The following ORC4 variants were observed in gnomAD, a reference collection of about 807,000 sequenced individuals.
The protein encoded by ORC4 is origin recognition complex subunit 4.
A neutral mutation model predicts 63.9 loss-of-function variants in ORC4; 55 were observed. The observed-to-expected ratio is 0.86, with a 90% CI of 0.69 to 1.08. The LOEUF (loss-of-function observed/expected upper bound fraction) is 1.08. Among genes scored for constraint, ORC4 ranks in the 50% least tolerant of loss-of-function variants. The pLI, the probability that ORC4 is intolerant of heterozygous loss-of-function variation, is 0.00. For missense variants in ORC4, 511 were observed against 504.4 expected (o/e 1.01, Z -0.13); for synonymous variants, 150 against 168.5 (o/e 0.89, Z 0.85).
intron 4 of ORC4, among the ~76,000 whole-genome samples, chr2:147,968,591 T>C (rs1690030824): frequency 6.6e-6 from 1 of 152,062 alleles, no homozygotes; most frequent in Admixed American, 6.6e-5. Context: ...TGAGGTATCA[T>C]CTCACTCCAG....
rs1271072292 is a variant in ORC4 at position 147,933,675 on chromosome 2, A to C, written c.*1835T>G. 6.6e-6 allele frequency: 1 copy of C among 152,164 alleles called. No homozygotes were observed. Among genetic ancestry groups the C allele is most frequent in the South Asian group, 2.1e-4 (1 of 4,828 alleles). 9.4% of individuals were successfully genotyped at this position (152,164 alleles called of 1,614,324 possible). A position where few individuals can be genotyped will look rare whatever the true frequency, so the allele number is the denominator to read the frequency against. On this transcript the variant is annotated 3_prime_UTR_variant, in exon 14 of 14. Transcript: ENST00000392857. Reference sequence around the variant, plus strand: ...AGGCTGTTACCCTTTAAGACAAATAATACTTTCCTCAAATAGTTCAGAAAA... The same window carrying C: ...AGGCTGTTACCCTTTAAGACAAATACTACTTTCCTCAAATAGTTCAGAAAA...
At chr2:147,985,021 A>T (rs978715854) in intron 1 of ORC4, among the ~76,000 whole-genome samples, 4 of 152,134 alleles carry the variant, frequency 2.6e-5, no homozygotes, top group African/African-American at 9.7e-5. Flanking sequence ...TACATCCTTT[A>T]CTGCTCTTGA....
In ORC4 at chr2:147,979,790, TGTTCAACAAAA is replaced by T. The variant is rs202244485; in HGVS notation, c.-17-3826_-17-3816del. On this transcript the variant is annotated intron_variant, in intron 1 of 13. Transcript: ENST00000392857. ...AATCCATACTTTTACAGTTGACTTA[TGTTCAACAAAA>T]GTGCCAAGAACACACAACGGAGTAA... Among the ~76,000 whole-genome samples, 84 of 152,306 alleles carry T rather than the reference TGTTCAACAAAA, an allele frequency of 5.5e-4. 2 individuals are homozygous for T. In the East Asian group the frequency reaches 0.016, roughly 28 times the overall value.
intron 1 of ORC4, among the ~76,000 whole-genome samples, chr2:147,987,945 T>C (rs1691322821): frequency 6.6e-6 from 1 of 150,740 alleles, no homozygotes. Context: ...CCCAGCTACT[T>C]GGGAGGCTTA....
In ORC4 at chr2:147,948,239, G is replaced by A. The variant is rs753786723; in HGVS notation, c.589-15C>T. ...TCCAAAATATCCTTAAAAACAAACA[G>A]AAATCTCTATAAGGAAGATGAATGT... On this transcript the variant is annotated splice_polypyrimidine_tract_variant and intron_variant, in intron 8 of 13. Transcript: ENST00000392857. 6.4e-7 allele frequency: 1 copy of A among 1,565,718 alleles called. No individual in the cohort carries two copies. Among genetic ancestry groups the A allele is most frequent in the Non-Finnish European group, 8.8e-7 (1 of 1,139,402 alleles).
rs998160157 is a variant in ORC4, at chr2:147,986,892, A to G, written c.-17-10917T>C. Among the ~76,000 whole-genome samples, 5 of 152,116 alleles carry G rather than the reference A, an allele frequency of 3.3e-5. No homozygotes were observed. The East Asian group carries it at 9.6e-4, about 29-fold the overall frequency. The stretch of plus-strand genomic sequence containing the variant: ...TAATTATAGTAGCAGGTGGAAACAT[A>G]AGTCGTTACACAGTGAAAATAATCA... On this transcript the variant is annotated intron_variant, in intron 1 of 13. Coordinates refer to ENST00000392857, the MANE Select transcript of ORC4 (RefSeq NM_181741.4).
rs750853397 is a variant in ORC4, at chr2:147,939,183, T to TG, written c.914dup (p.Ser306LysfsTer5). The TG allele has an allele frequency of 1.7e-5, 27 of 1,612,998 alleles. No homozygotes were observed. The highest frequency in any genetic ancestry group is 2.2e-5 in the Non-Finnish European group (26 of 1,179,180). On this transcript the variant is annotated frameshift_variant, in exon 11 of 14. Transcript: ENST00000392857. LOFTEE classifies it high-confidence loss of function. ...TCGAGTCCATGCTACACAGTTGGCTTGCTTCCATTAGATCTACGGCAGTCA... is the reference window on the plus strand; with the variant it reads ...TCGAGTCCATGCTACACAGTTGGCTTGGCTTCCATTAGATCTACGGCAGTCA...
chr2:147,956,479 T>A (rs1689259737), intron 6 of ORC4, among the ~76,000 whole-genome samples: 1 of 152,102 alleles, frequency 6.6e-6, no homozygotes, highest in African/African-American at 2.4e-5. Context: ...TACATATATA[T>A]GTCTGTTTAT....
intron 4 of ORC4, among the ~76,000 whole-genome samples, chr2:147,971,318 A>G (rs1417479189): frequency 6.6e-6 from 1 of 151,672 alleles, no homozygotes; most frequent in East Asian, 1.9e-4. Context: ...TTTTAATATT[A>G]TGAAATAATA....
chr2:147,950,033 CTAA>C (rs941833959), intron 8 of ORC4, among the ~76,000 whole-genome samples: 1 of 151,998 alleles, frequency 6.6e-6, no homozygotes, highest in African/African-American at 2.4e-5. Flanking sequence ...ACAGGAAAGA[CTAA>C]TAGCCTGAGG....
intron 1 of ORC4, among the ~76,000 whole-genome samples, chr2:148,015,607 C>A (rs1693231579): frequency 1.3e-5 from 2 of 151,890 alleles, no homozygotes; most frequent in Non-Finnish European, 2.9e-5. Context: ...AGCCACCACA[C>A]CCGGCCTGGA....
chr2:147,995,405 A>G (rs893498970), intron 1 of ORC4, among the ~76,000 whole-genome samples: 3 of 152,166 alleles, frequency 2.0e-5, no homozygotes, highest in African/African-American at 7.2e-5. Context: ...TGGACCAATC[A>G]GCAGGATGTG....
chr2:147,947,238 T>A (rs1439785986), intron 9 of ORC4, among the ~76,000 whole-genome samples: 1 of 152,026 alleles, frequency 6.6e-6, no homozygotes, highest in Admixed American at 6.6e-5. Context: ...TTTTTCCCAA[T>A]TCCTTCAGAG....
intron 8 of ORC4, among the ~76,000 whole-genome samples, chr2:147,949,668 CTT>C (rs1688845129): frequency 1.3e-5 from 2 of 152,038 alleles, no homozygotes; most frequent in South Asian, 4.1e-4. Flanking sequence ...TTAAAGAGCT[CTT>C]ATCTCCTAAA....
chr2:148,019,426 C>T (rs1233989477), intron 1 of ORC4, among the ~76,000 whole-genome samples: 1 of 152,146 alleles, frequency 6.6e-6, no homozygotes, highest in Non-Finnish European at 1.5e-5. Context: ...CCCGTCCCTA[C>T]TGAAAACACA....
chr2:147,936,016 AAT>A (rs1170898122), intron 13 of ORC4, among the ~76,000 whole-genome samples: 2 of 152,150 alleles, frequency 1.3e-5, no homozygotes, highest in Non-Finnish European at 2.9e-5. Flanking sequence ...TACTTTAATA[AAT>A]AGTTTCCAGT....
chr2:147,932,738 G>A lies in ORC4; in HGVS notation c.*2772C>T, dbSNP rs1687838288. 6.6e-6 allele frequency: 1 copy of A among 152,120 alleles called. No individual in the cohort carries two copies. The highest frequency in any genetic ancestry group is 1.5e-5 in the Non-Finnish European group (1 of 68,024). 9.4% of individuals were successfully genotyped at this position (152,120 alleles called of 1,614,324 possible). A position where few individuals can be genotyped will look rare whatever the true frequency, so the allele number is the denominator to read the frequency against. ...TTGTGTCACACAGTACACACCAATG[G>A]ATTCTCAGATTTTCTAGGGTAAAGG... is the stretch of plus-strand genomic sequence containing the variant. On this transcript the variant is annotated 3_prime_UTR_variant, in exon 14 of 14. Transcript: ENST00000392857.
intron 13 of ORC4, among the ~76,000 whole-genome samples, chr2:147,937,473 T>C (rs146048837): frequency 1.4e-4 from 21 of 152,318 alleles, no homozygotes; most frequent in Non-Finnish European, 2.2e-4. Context: ...ATTTAGGCCA[T>C]TGAGATGTGC....
rs568297727 is a variant in ORC4, at chr2:147,982,746, C to A, written c.-17-6771G>T. Among the ~76,000 whole-genome samples, 3 of 152,236 alleles carry A rather than the reference C, an allele frequency of 2.0e-5. No homozygotes were observed. In the South Asian group the frequency reaches 6.2e-4, roughly 32 times the overall value. ...ACATCTTCCCCCTTCATGTAATGGT[C>A]AAATATCTACTATATAATAAAGAAT... On this transcript the variant is annotated intron_variant, in intron 1 of 13. Transcript: ENST00000392857.
Sources: allele counts gnomAD v4.1 joint callset (sites outside exome capture counted in the v4.1 genomes callset), GRCh38; gene constraint gnomAD v4.1.1; transcripts MANE v1.5; gene names NCBI Gene and HGNC (gene_info 2026-07-23, HGNC 2026-07-21).